The following ASTN2 variants were observed in gnomAD, a reference collection of about 807,000 sequenced individuals.
The protein encoded by ASTN2 is astrotactin-2.
A neutral mutation model predicts 139.8 loss-of-function variants in ASTN2; 54 were observed. The ratio of observed to expected loss-of-function variants is 0.39; its 90% CI spans 0.31 to 0.48. The LOEUF is 0.48. ASTN2 is among the 20% of genes least tolerant of loss of function. The pLI, the probability that ASTN2 is intolerant of heterozygous loss-of-function variation, is 0.95. For missense variants in ASTN2, 1,565 were observed against 1,725.1 expected (o/e 0.91, Z 1.64); for synonymous variants, 756 against 719.5 (o/e 1.05, Z -0.81).
chr9:116,448,024 G>A (rs934740316), intron 20 of ASTN2, among the ~76,000 whole-genome samples: 2 of 152,156 alleles, frequency 1.3e-5, no homozygotes, highest in African/African-American at 4.8e-5. Flanking sequence ...GTAAGAGCAG[G>A]GACAGAGCCC....
At chr9:116,998,058 A>G (rs1243119050) in intron 7 of ASTN2, among the ~76,000 whole-genome samples, 2 of 152,208 alleles carry the variant, frequency 1.3e-5, no homozygotes, top group Non-Finnish European at 2.9e-5. Context: ...TGTCATTTCA[A>G]TTACTTTTGT....
chr9:116,966,148 C>G (rs1257144309), intron 10 of ASTN2, among the ~76,000 whole-genome samples: 1 of 152,142 alleles, frequency 6.6e-6, no homozygotes, highest in African/African-American at 2.4e-5. Context: ...ATCAGAAGTC[C>G]CCTTTTAAAA....
intron 20 of ASTN2, among the ~76,000 whole-genome samples, chr9:116,476,414 C>G (rs796734143): frequency 6.6e-6 from 1 of 152,298 alleles, no homozygotes; most frequent in South Asian, 2.1e-4. Context: ...CTCTCACTTC[C>G]TCAGAAGACT....
At chr9:117,128,597 A>G (rs1829758334) in intron 4 of ASTN2, among the ~76,000 whole-genome samples, 1 of 152,120 alleles carries the variant, frequency 6.6e-6, no homozygotes, top group African/African-American at 2.4e-5. Context: ...GTGGGTTTGT[A>G]TCAGAAAGGG....
At chr9:117,029,216 T>C (rs1838180234) in intron 6 of ASTN2, among the ~76,000 whole-genome samples, 1 of 152,166 alleles carries the variant, frequency 6.6e-6, no homozygotes, top group South Asian at 2.1e-4. Flanking sequence ...AACAAGGTAA[T>C]ACCTTGCAAA....
intron 7 of ASTN2, among the ~76,000 whole-genome samples, chr9:117,005,494 A>G (rs7850962): frequency 0.035 from 5,295 of 152,192 alleles, 121 homozygotes; most frequent in African/African-American, 0.063. Context: ...CAGTTCCTCA[A>G]TGTGGTCAAT....
chr9:116,985,860 T>G (rs1836663354), intron 7 of ASTN2, among the ~76,000 whole-genome samples: 1 of 152,100 alleles, frequency 6.6e-6, no homozygotes, highest in African/African-American at 2.4e-5. Context: ...GCTTCTCAGA[T>G]GCACCAGGAA....
chr9:116,659,691 C>A (rs530198966), intron 16 of ASTN2, among the ~76,000 whole-genome samples: 52 of 152,266 alleles, frequency 3.4e-4, no homozygotes, highest in African/African-American at 1.3e-3. Flanking sequence ...GTAATGCCCC[C>A]AATCTCCTCC....
chr9:116,685,712 AT>A (rs1187920608), intron 16 of ASTN2, among the ~76,000 whole-genome samples: 1 of 152,190 alleles, frequency 6.6e-6, no homozygotes, highest in African/African-American at 2.4e-5. Context: ...AGGTATAATA[AT>A]TCATTTAACT....
intron 19 of ASTN2, among the ~76,000 whole-genome samples, chr9:116,553,071 A>C (rs1261546415): frequency 5.9e-5 from 9 of 152,158 alleles, no homozygotes; most frequent in Admixed American, 5.9e-4. Context: ...ATATCTTAAA[A>C]GATGTCTGAG....
At chr9:116,977,751 C>G (rs1436456130) in intron 7 of ASTN2, among the ~76,000 whole-genome samples, 1 of 144,432 alleles carries the variant, frequency 6.9e-6, no homozygotes, top group Non-Finnish European at 1.5e-5. Context: ...GAGTCTCACT[C>G]CATCACCCAG....
In ASTN2 at chr9:117,189,903, C is replaced by A. The variant is rs12684360; in HGVS notation, c.1015+24455G>T. 3.3e-4 allele frequency among the ~76,000 whole-genome samples: 50 copies of A among 152,256 alleles called. No homozygotes were observed. The East Asian group carries it at 9.3e-3, about 28-fold the overall frequency. Reference sequence around the variant, plus strand: ...TACTAATGGAGAGTGAAGATACATACCTTCTAGAAAGTCTTAAAGATCCTA... The same window carrying A: ...TACTAATGGAGAGTGAAGATACATAACTTCTAGAAAGTCTTAAAGATCCTA... On this transcript the variant is annotated intron_variant, in intron 3 of 22. Transcript: ENST00000313400.
At chr9:116,791,708 C>T (rs930063946) in intron 13 of ASTN2, among the ~76,000 whole-genome samples, 1 of 152,176 alleles carries the variant, frequency 6.6e-6, no homozygotes, top group Non-Finnish European at 1.5e-5. Context: ...TCTTTCTGAG[C>T]GTTTAGACCA....
At chr9:117,288,984 A>G (rs1470242334) in intron 2 of ASTN2, among the ~76,000 whole-genome samples, 1 of 152,232 alleles carries the variant, frequency 6.6e-6, no homozygotes, top group Non-Finnish European at 1.5e-5. Flanking sequence ...TGTTCTATAA[A>G]TGACAAAAAC....
chr9:116,733,358 T>C lies in ASTN2; in HGVS notation c.2521+41A>G, dbSNP rs777474509. ...GCACTAGGTGTGGAGACTCGGTGTG[T>C]GGTCAGGGAACCTGGGAAGGGTCTG... On this transcript the variant is annotated intron_variant, in intron 14 of 22. Coordinates refer to ENST00000313400, the MANE Select transcript of ASTN2 (RefSeq NM_001365068.1). 7 of 1,606,926 alleles carry C rather than the reference T, an allele frequency of 4.4e-6. No individual in the cohort carries two copies. In the Admixed American group the frequency reaches 1.2e-4, roughly 27 times the overall value.
chr9:117,363,280 G>A (rs191955773), intron 1 of ASTN2, among the ~76,000 whole-genome samples: 8 of 152,234 alleles, frequency 5.3e-5, no homozygotes, highest in African/African-American at 1.2e-4. Flanking sequence ...TGTGTCTGAG[G>A]GGAGTGTGTA....
At chr9:116,730,509 C>T (rs1828748309) in intron 14 of ASTN2, among the ~76,000 whole-genome samples, 1 of 152,146 alleles carries the variant, frequency 6.6e-6, no homozygotes, top group Admixed American at 6.6e-5. Flanking sequence ...TCTGCCTCTC[C>T]TGGCCTTCCT....
chr9:117,036,445 C>T (rs538365791), intron 6 of ASTN2, among the ~76,000 whole-genome samples: 1 of 152,250 alleles, frequency 6.6e-6, no homozygotes, highest in East Asian at 1.9e-4. Flanking sequence ...CTGGGGAGAA[C>T]CCTCCCCTCC....
intron 16 of ASTN2, among the ~76,000 whole-genome samples, chr9:116,659,131 G>A (rs1858405007): frequency 6.6e-6 from 1 of 152,070 alleles, no homozygotes. Flanking sequence ...TTCTCAATTT[G>A]CAGTATGAAC....
Sources: allele counts gnomAD v4.1 joint callset (sites outside exome capture counted in the v4.1 genomes callset), GRCh38; gene constraint gnomAD v4.1.1; transcripts MANE v1.5; gene names NCBI Gene and HGNC (gene_info 2026-07-23, HGNC 2026-07-21).